Variants in CEP83 observed in about 807,000 individuals in gnomAD.
The protein encoded by CEP83 is centrosomal protein of 83 kDa.
In CEP83, 70 loss-of-function variants were observed where a neutral mutation model predicts 101.9. That is an observed-to-expected ratio of 0.69 (90% CI 0.57 to 0.84). CEP83 has a LOEUF of 0.84. CEP83 is among the 40% of genes least tolerant of loss of function. CEP83 has a pLI of 0.00. For synonymous variants in CEP83, 264 were observed against 267.9 expected, an observed-to-expected ratio of 0.99 and a Z score of 0.14; for missense variants, 715 against 787.2, an observed-to-expected ratio of 0.91 and a Z score of 1.10.
chr12:94,364,567 T>C (rs762985142), intron 11 of CEP83, among the ~76,000 whole-genome samples: 71 of 152,184 alleles, frequency 4.7e-4, no homozygotes, highest in Non-Finnish European at 6.8e-4. Flanking sequence ...GAGTTCAGTG[T>C]TACAGTGAGC....
chr12:94,306,384 G>A (rs1969019630), downstream of CEP83: 1 of 152,098 alleles, frequency 6.6e-6, no homozygotes, highest in African/African-American at 2.4e-5. Context: ...TTCCTCGCAG[G>A]AGAAAGAATT....
chr12:94,335,952 AT>A (rs2059430061), intron 11 of CEP83: 1 of 275,114 alleles, frequency 3.6e-6, no homozygotes, highest in Admixed American at 5.3e-5. Context: ...GACAGGTAGG[AT>A]TTTGATATAC....
chr12:94,324,835 T>C (rs2136411918), intron 14 of CEP83, among the ~76,000 whole-genome samples: 1 of 152,302 alleles, frequency 6.6e-6, no homozygotes, highest in South Asian at 2.1e-4. Flanking sequence ...AGCCAGAGAT[T>C]CTTCAAAAAT....
chr12:94,277,377 T>C, the CEP83 span, among the ~76,000 whole-genome samples: 1 of 152,188 alleles, frequency 6.6e-6, no homozygotes, highest in African/African-American at 2.4e-5. Context: ...ATTCAGATCA[T>C]AGCAGCATTA....
At chr12:94,275,738 C>T in the CEP83 span, among the ~76,000 whole-genome samples, 7 of 127,322 alleles carry the variant, frequency 5.5e-5, 1 homozygote, top group South Asian at 2.4e-4. Flanking sequence ...GCCTGTAGTC[C>T]CAGCTACTTG....
chr12:94,331,303 A>AAAAAAAAAG (rs2059198553), intron 14 of CEP83, among the ~76,000 whole-genome samples: 1 of 124,406 alleles, frequency 8.0e-6, no homozygotes, highest in African/African-American at 3.4e-5. Context: ...AAAAAAAAAA[A>AAAAAAAAAG]AAAAAAAAAA....
At chr12:94,344,835 T>C (rs933745528) in intron 11 of CEP83, among the ~76,000 whole-genome samples, 1 of 152,140 alleles carries the variant, frequency 6.6e-6, no homozygotes, top group Non-Finnish European at 1.5e-5. Context: ...AAATTAATAT[T>C]TGAAAGGCAA....
intron 6 of CEP83, among the ~76,000 whole-genome samples, chr12:94,388,676 C>CT (rs946530184): frequency 6.6e-6 from 1 of 151,918 alleles, no homozygotes. Context: ...AATTTGGAAA[C>CT]TTTTTTTTAC....
chr12:94,441,784 G>A (rs907227733), intron 1 of CEP83, among the ~76,000 whole-genome samples: 1 of 151,946 alleles, frequency 6.6e-6, no homozygotes, highest in African/African-American at 2.4e-5. Context: ...GTGTGGTGGT[G>A]GGCACCTGTA....
intron 15 of CEP83, among the ~76,000 whole-genome samples, chr12:94,311,778 G>C (rs765317259): frequency 2.1e-4 from 32 of 152,122 alleles, no homozygotes; most frequent in Admixed American, 6.5e-5. Context: ...TCATCTTTTT[G>C]GACACGACAT....
At chr12:94,407,758 T>G (rs1275471588) in intron 4 of CEP83, among the ~76,000 whole-genome samples, 1 of 152,216 alleles carries the variant, frequency 6.6e-6, no homozygotes, top group South Asian at 2.1e-4. Flanking sequence ...CCGACTGAAT[T>G]AGAGGATTTT....
chr12:94,321,231 C>G (rs541497874), intron 14 of CEP83, among the ~76,000 whole-genome samples: 2 of 152,250 alleles, frequency 1.3e-5, no homozygotes, highest in South Asian at 2.1e-4. Context: ...CAGTTAGGTT[C>G]TTTTTTATAC....
chr12:94,300,856 C>G, the CEP83 span: 1 of 1,541,742 alleles, frequency 6.5e-7, no homozygotes, highest in Non-Finnish European at 8.9e-7. Context: ...ATAAACAGAC[C>G]ATTGGCTTCA....
the CEP83 span, among the ~76,000 whole-genome samples, chr12:94,287,895 C>T: frequency 6.6e-6 from 1 of 152,234 alleles, no homozygotes; most frequent in Admixed American, 6.5e-5. Context: ...TTTCCGTCTT[C>T]TTTACCGCTC....
chr12:94,329,073 A>G (rs1160363920), intron 14 of CEP83, among the ~76,000 whole-genome samples: 1 of 152,210 alleles, frequency 6.6e-6, no homozygotes, highest in African/African-American at 2.4e-5. Context: ...TCTAGGTCAT[A>G]ATCATTCACT....
At chr12:94,315,260 T>C (rs536847200) in intron 14 of CEP83, among the ~76,000 whole-genome samples, 1 of 152,316 alleles carries the variant, frequency 6.6e-6, no homozygotes, top group South Asian at 2.1e-4. Flanking sequence ...GGTCGGTCTT[T>C]TAGCTTTTGC....
At chr12:94,363,680 G>T (rs529511017) in intron 11 of CEP83, among the ~76,000 whole-genome samples, 1 of 152,190 alleles carries the variant, frequency 6.6e-6, no homozygotes, top group South Asian at 2.1e-4. Context: ...CAGGTGCGGT[G>T]GCTCACGCTT....
At chr12:94,319,264 T>C (rs1052544491) in intron 14 of CEP83, among the ~76,000 whole-genome samples, 1 of 152,208 alleles carries the variant, frequency 6.6e-6, no homozygotes, top group Non-Finnish European at 1.5e-5. Context: ...ATCCCCTCTG[T>C]CATTTCTAAT....
At chr12:94,414,999 A>G (rs1248395100) in intron 2 of CEP83, among the ~76,000 whole-genome samples, 1 of 152,144 alleles carries the variant, frequency 6.6e-6, no homozygotes, top group African/African-American at 2.4e-5. Context: ...CAAGAAAAAA[A>G]CAAAATTTGT....
Sources: gnomAD v4.1 joint callset for allele counts (sites outside exome capture counted in the v4.1 genomes callset) on GRCh38, gnomAD v4.1.1 for gene constraint, MANE v1.5 for transcripts, NCBI Gene and HGNC (gene_info 2026-07-23, HGNC 2026-07-21) for gene names.